The following SH3GL3 variants were observed in gnomAD, a reference collection of about 807,000 sequenced individuals.
SH3GL3 encodes SH3 domain containing GRB2 like 3, endophilin A3.
SH3GL3 carries 33 observed loss-of-function variants against 47.7 expected under a neutral mutation model. That is an observed-to-expected ratio of 0.69 (90% CI 0.52 to 0.92). SH3GL3 has a LOEUF of 0.92. Ranked by LOEUF, SH3GL3 falls within the 40% of genes least tolerant of loss-of-function variation. The probability of loss-of-function intolerance (pLI) is 0.00; values close to 1 mark genes in which losing one functional copy is unlikely to be tolerated. For synonymous variants in SH3GL3, 155 were observed against 148.8 expected (o/e 1.04, Z -0.30); for missense variants, 363 against 417.8 (o/e 0.87, Z 1.14).
chr15:83,450,478 C>A (rs933094595), intron 1 of SH3GL3, among the ~76,000 whole-genome samples: 2 of 151,896 alleles, frequency 1.3e-5, no homozygotes, highest in African/African-American at 4.8e-5. Context: ...TAGCTATAAC[C>A]CGGTTAACTG....
intron 1 of SH3GL3, among the ~76,000 whole-genome samples, chr15:83,528,469 A>G (rs966580544): frequency 5.3e-5 from 8 of 152,270 alleles, no homozygotes; most frequent in Non-Finnish European, 2.9e-5. Flanking sequence ...CCCATATGTC[A>G]TGTAGGCTTT....
chr15:83,472,057 T>C (rs1237992866), intron 1 of SH3GL3, among the ~76,000 whole-genome samples: 1 of 152,202 alleles, frequency 6.6e-6, no homozygotes, highest in Non-Finnish European at 1.5e-5. Flanking sequence ...CTAATTTTTG[T>C]ACTTTTAGTA....
At chr15:83,599,656 G>A (rs779609473) in intron 8 of SH3GL3, among the ~76,000 whole-genome samples, 22 of 152,268 alleles carry the variant, frequency 1.4e-4, no homozygotes, top group Middle Eastern at 6.8e-3. Context: ...ATAAACATGC[G>A]TGTGCAAGTA....
At chr15:83,529,955 C>T (rs1567306573) in intron 1 of SH3GL3, among the ~76,000 whole-genome samples, 1 of 152,104 alleles carries the variant, frequency 6.6e-6, no homozygotes, top group Non-Finnish European at 1.5e-5. Context: ...CAGCAGCTTC[C>T]CTGGTGTGCC....
chr15:83,588,582 G>C, intron 7 of SH3GL3, 80 bp from the exon 8 acceptor site: 1 of 882,116 alleles, frequency 1.1e-6, no homozygotes, highest in African/African-American at 1.6e-5. Flanking sequence ...AAGTTCCTGT[G>C]CTCAACAAGG....
Position 83,447,617 on chromosome 15 carries a change from C to T in SH3GL3, c.45+39C>T, listed in dbSNP as rs1324983031. ...GAGGAGGGAAGGAGGGAGGGGGACG[C>T]GGAGGCTGCGGCCCCCCGAGGCTCC... On this transcript the variant is annotated intron_variant, in intron 1 of 8. Transcript: ENST00000427482. The surrounding 1 kb of genome is among the most constrained non-coding windows in gnomAD (Gnocchi z 5.1). The T allele has an allele frequency of 1.4e-6, 2 of 1,407,350 alleles. No homozygotes were observed. Among genetic ancestry groups the T allele is most frequent in the East Asian group, 3.0e-5 (1 of 33,492 alleles). 87.2% of individuals were successfully genotyped at this position (1,407,350 alleles called of 1,614,324 possible). A position where few individuals can be genotyped will look rare whatever the true frequency, so the allele number is the denominator to read the frequency against.
At chr15:83,570,166 A>G (rs947119864) in intron 4 of SH3GL3, among the ~76,000 whole-genome samples, 3 of 152,082 alleles carry the variant, frequency 2.0e-5, no homozygotes, top group East Asian at 3.8e-4. Flanking sequence ...TAAATTTCCA[A>G]GCTCCTGCAT....
chr15:83,615,741 G>A (rs1364381114), intron 8 of SH3GL3, among the ~76,000 whole-genome samples: 2 of 152,110 alleles, frequency 1.3e-5, no homozygotes, highest in Non-Finnish European at 2.9e-5. Context: ...ATATGATAAA[G>A]ATAAAGGCAA....
chr15:83,556,161 C>T (rs1323453672), intron 1 of SH3GL3, among the ~76,000 whole-genome samples: 1 of 139,668 alleles, frequency 7.2e-6, no homozygotes. Context: ...AGGCCAGGTG[C>T]CCTGTAGGAA....
chr15:83,481,167 C>T (rs528779930), intron 1 of SH3GL3, among the ~76,000 whole-genome samples: 7 of 150,786 alleles, frequency 4.6e-5, no homozygotes, highest in East Asian at 2.0e-4. Flanking sequence ...CCCAGCTAGT[C>T]GGGAGGCTGA....
chr15:83,565,722 A>G (rs2045502671), intron 3 of SH3GL3: 1 of 152,250 alleles, frequency 6.6e-6, no homozygotes, highest in African/African-American at 2.4e-5. Context: ...CCCAAGCAGC[A>G]TCTATTGATG....
chr15:83,627,122 C>A, the SH3GL3 span, among the ~76,000 whole-genome samples: 5 of 152,022 alleles, frequency 3.3e-5, no homozygotes, highest in African/African-American at 7.3e-5. Flanking sequence ...AGGGGCTGGG[C>A]GCGGTGGCTC....
At chr15:83,603,438 A>G (rs2060438806) in intron 8 of SH3GL3, among the ~76,000 whole-genome samples, 3 of 152,102 alleles carry the variant, frequency 2.0e-5, no homozygotes, top group Admixed American at 2.0e-4. Flanking sequence ...TCGCTTTCTT[A>G]ACTTACAGAG....
At chr15:83,623,859 C>T in the SH3GL3 span, among the ~76,000 whole-genome samples, 3 of 152,092 alleles carry the variant, frequency 2.0e-5, no homozygotes, top group Non-Finnish European at 2.9e-5. Context: ...AGTCTTGGCT[C>T]ACTGCAACCT....
Position 83,515,524 on chromosome 15 carries a change from G to GT in SH3GL3, c.46-43728dup, listed in dbSNP as rs113013526. Among the ~76,000 whole-genome samples, 267 of 152,112 alleles carry GT rather than the reference G, an allele frequency of 1.8e-3. 2 individuals are homozygous for GT. The highest frequency in any genetic ancestry group is 6.0e-3 in the African/African-American group (249 of 41,546). ...CCTGGGGTAAAGGGAGCCCATGCAG[G>GT]TGGGGGGGGAGGGGAAGGGAATGGG... On this transcript the variant is annotated intron_variant, in intron 1 of 8. Transcript: ENST00000427482.
At chr15:83,464,647 G>T (rs1393073997) in intron 1 of SH3GL3, among the ~76,000 whole-genome samples, 1 of 151,902 alleles carries the variant, frequency 6.6e-6, no homozygotes, top group Non-Finnish European at 1.5e-5. Flanking sequence ...CAAAAACCAG[G>T]ACTCATCCTT....
intron 8 of SH3GL3, among the ~76,000 whole-genome samples, chr15:83,610,437 G>A (rs780742827): frequency 2.6e-5 from 4 of 152,176 alleles, no homozygotes; most frequent in Non-Finnish European, 5.9e-5. Context: ...GGAGGCTAAG[G>A]TGGAAGGATT....
intron 1 of SH3GL3, among the ~76,000 whole-genome samples, chr15:83,512,107 G>A (rs1348998724): frequency 6.6e-6 from 1 of 151,980 alleles, no homozygotes; most frequent in African/African-American, 2.4e-5. Context: ...CTCTCAAGGG[G>A]GATAAATGCC....
chr15:83,608,739 G>A (rs1029222925), intron 8 of SH3GL3, among the ~76,000 whole-genome samples: 70 of 141,690 alleles, frequency 4.9e-4, no homozygotes, highest in Admixed American at 1.7e-3. Context: ...GTTTCTACCC[G>A]CCCCCCACTC....
Sources: allele counts gnomAD v4.1 joint callset (sites outside exome capture counted in the v4.1 genomes callset), GRCh38; gene constraint gnomAD v4.1.1; non-coding constraint Gnocchi (gnomAD v3.1); transcripts MANE v1.5; gene names NCBI Gene and HGNC (gene_info 2026-07-23, HGNC 2026-07-21).